IFT56: variants seen among roughly 807,000 people sequenced by gnomAD.
IFT56 encodes intraflagellar transport 56, also known as intraflagellar transport protein 56.
chr7:139,174,439 C>T, the IFT56 span, among the ~76,000 whole-genome samples: 2 of 152,204 alleles, frequency 1.3e-5, no homozygotes, highest in South Asian at 2.1e-4. Flanking sequence ...GGTTCCCGAC[C>T]GTGTGTGAGC....
At chr7:139,134,241 C>T in the IFT56 span, among the ~76,000 whole-genome samples, 1 of 151,784 alleles carries the variant, frequency 6.6e-6, no homozygotes, top group East Asian at 1.9e-4. Flanking sequence ...AATAGGCTTC[C>T]CTGGGGTTCG....
At chr7:139,152,243 C>T in the IFT56 span, among the ~76,000 whole-genome samples, 1 of 152,192 alleles carries the variant, frequency 6.6e-6, no homozygotes, top group Non-Finnish European at 1.5e-5. Context: ...CCTTTTGCCT[C>T]AGCCTCCCAA....
chr7:139,176,282 T>G, the IFT56 span, among the ~76,000 whole-genome samples: 2 of 152,184 alleles, frequency 1.3e-5, no homozygotes, highest in Non-Finnish European at 2.9e-5. Flanking sequence ...GTGATTGTTA[T>G]GCATTGTATG....
the IFT56 span, among the ~76,000 whole-genome samples, chr7:139,182,088 G>A: frequency 7.2e-5 from 11 of 152,058 alleles, no homozygotes; most frequent in East Asian, 1.5e-3. Context: ...GCATGCTGGG[G>A]TGTGTGTGTG....
chr7:139,181,871 C>T, the IFT56 span, among the ~76,000 whole-genome samples: 1 of 152,058 alleles, frequency 6.6e-6, no homozygotes, highest in East Asian at 1.9e-4. Context: ...ATATATGCTG[C>T]CCATCACTGA....
the IFT56 span, chr7:139,148,371 A>G: frequency 1.2e-6 from 2 of 1,608,046 alleles, no homozygotes; most frequent in Non-Finnish European, 1.7e-6. Context: ...ATGGCAGAGC[A>G]GCTGAGGTAT....
At chr7:139,154,711 A>G in the IFT56 span, among the ~76,000 whole-genome samples, 2 of 152,272 alleles carry the variant, frequency 1.3e-5, no homozygotes, top group Non-Finnish European at 2.9e-5. Flanking sequence ...GTATCCTTAC[A>G]TTAATACCAC....
the IFT56 span, chr7:139,148,189 A>G: frequency 6.3e-7 from 1 of 1,594,298 alleles, no homozygotes; most frequent in Non-Finnish European, 8.6e-7. Context: ...GTTAACCCTA[A>G]TTCTTTCATC....
the IFT56 span, among the ~76,000 whole-genome samples, chr7:139,147,617 T>C: frequency 6.6e-6 from 1 of 152,162 alleles, no homozygotes; most frequent in Non-Finnish European, 1.5e-5. Flanking sequence ...GATTTTTTCA[T>C]CCTCCCATTA....
At chr7:139,165,072 T>A in the IFT56 span, 2 of 1,369,368 alleles carry the variant, frequency 1.5e-6, no homozygotes, top group Middle Eastern at 1.8e-4. Context: ...TCCTTAAACA[T>A]TGTCACCAAT....
the IFT56 span, among the ~76,000 whole-genome samples, chr7:139,169,028 G>A: frequency 6.6e-6 from 1 of 152,162 alleles, no homozygotes; most frequent in East Asian, 1.9e-4. Context: ...ATAGGTATTT[G>A]TAGAATGATT....
chr7:139,157,583 A>C, the IFT56 span, among the ~76,000 whole-genome samples: 1 of 145,944 alleles, frequency 6.9e-6, no homozygotes, highest in Non-Finnish European at 1.5e-5. Context: ...GGCTTACTAT[A>C]ACCTCTGCCT....
At chr7:139,181,320 G>A in the IFT56 span, 5 of 642,240 alleles carry the variant, frequency 7.8e-6, no homozygotes, top group African/African-American at 9.5e-5. Context: ...TTCACGTAGT[G>A]TTATAAGAGA....
At chr7:139,159,607 G>T in the IFT56 span, among the ~76,000 whole-genome samples, 3 of 152,040 alleles carry the variant, frequency 2.0e-5, no homozygotes, top group Admixed American at 1.3e-4. Flanking sequence ...GCACAATATG[G>T]TCTCAAAATA....
At chr7:139,141,974 A>G in the IFT56 span, among the ~76,000 whole-genome samples, 1 of 152,232 alleles carries the variant, frequency 6.6e-6, no homozygotes, top group Non-Finnish European at 1.5e-5. Flanking sequence ...GGCTGCTACT[A>G]CAACCATGTG....
chr7:139,144,698 C>G, the IFT56 span, among the ~76,000 whole-genome samples: 1 of 151,988 alleles, frequency 6.6e-6, no homozygotes, highest in African/African-American at 2.4e-5. Context: ...TACTAATCAT[C>G]ATTCTTCAGC....
chr7:139,183,050 G>A, the IFT56 span, among the ~76,000 whole-genome samples: 5 of 152,150 alleles, frequency 3.3e-5, no homozygotes, highest in Non-Finnish European at 7.4e-5. Flanking sequence ...TTGGAATTGC[G>A]GGGGATGGGG....
At chr7:139,140,565 A>C in the IFT56 span, among the ~76,000 whole-genome samples, 1 of 151,976 alleles carries the variant, frequency 6.6e-6, no homozygotes, top group Non-Finnish European at 1.5e-5. Context: ...AGATCACCTG[A>C]GGTCAGGAGT....
chr7:139,161,793 T>C, the IFT56 span, among the ~76,000 whole-genome samples: 3 of 152,216 alleles, frequency 2.0e-5, no homozygotes, highest in Non-Finnish European at 4.4e-5. Flanking sequence ...TTTACTCCAT[T>C]TCTTATCTAA....
Sources: allele counts gnomAD v4.1 joint callset (sites outside exome capture counted in the v4.1 genomes callset), GRCh38; gene constraint gnomAD v4.1.1; transcripts MANE v1.5; gene names NCBI Gene and HGNC (gene_info 2026-07-23, HGNC 2026-07-21).